The following WDR19 variants were observed in gnomAD, a reference collection of about 807,000 sequenced individuals.
WDR19 encodes WD repeat-containing protein 19.
In WDR19, 121 loss-of-function variants were observed where a neutral mutation model predicts 180.0. That is an observed-to-expected ratio of 0.67 (90% confidence interval 0.58 to 0.78). The LOEUF is 0.78. Ranked by LOEUF, WDR19 falls within the 30% of genes least tolerant of loss-of-function variation. WDR19 has a pLI of 0.00. For missense variants in WDR19, 1,450 were observed against 1,640.7 expected, an observed-to-expected ratio of 0.88 and a Z score of 2.01; for synonymous variants, 497 against 540.7, an observed-to-expected ratio of 0.92 and a Z score of 1.12.
chr4:39,271,099 G>C (rs144710505), intron 31 of WDR19, among the ~76,000 whole-genome samples: 1 of 151,970 alleles, frequency 6.6e-6, no homozygotes, highest in Admixed American at 6.6e-5. Flanking sequence ...GTTTCACCAC[G>C]TTGGCCAGGC....
intron 1 of WDR19, among the ~76,000 whole-genome samples, chr4:39,182,858 G>T (rs1725088448): frequency 6.6e-6 from 1 of 152,114 alleles, no homozygotes; most frequent in African/African-American, 2.4e-5. Context: ...TGAGCGGACT[G>T]GATCTAAAGA....
At chr4:39,249,438 G>C (rs1353107838) in intron 24 of WDR19, among the ~76,000 whole-genome samples, 1 of 151,988 alleles carries the variant, frequency 6.6e-6, no homozygotes, top group Non-Finnish European at 1.5e-5. Context: ...AAAAGAACTA[G>C]AGAAGCAAGA....
chr4:39,255,232 TG>T (rs1264720337), intron 26 of WDR19, among the ~76,000 whole-genome samples: 1 of 152,156 alleles, frequency 6.6e-6, no homozygotes, highest in Non-Finnish European at 1.5e-5. Flanking sequence ...TGTATATTGG[TG>T]GGGGGTGTGT....
At position 39,224,944 on chromosome 4, in the gene WDR19, C is replaced by A. The variant is rs1418175737; in HGVS notation, c.1540C>A (p.Pro514Thr). The A allele has an allele frequency of 3.2e-6, 5 of 1,581,770 alleles. No individual in the cohort carries two copies. The highest frequency in any genetic ancestry group is 4.3e-6 in the Non-Finnish European group (5 of 1,162,768). Residue 514 changes from proline to threonine, a missense_variant, in exon 15 of 37, where the codon CCT becomes ACT. By Grantham distance (38) the Pro-to-Thr change is conservative (BLOSUM62 -1). Coordinates refer to ENST00000399820, the MANE Select transcript of WDR19 (RefSeq NM_025132.4). ...DWQFVNDYRH[P>T]VSVKKIFPDP... is the part of the protein sequence containing the mutation. ...GCAATTCGTTAATGATTATCGACAT[C>A]CTGTCAGTGTGAAAAAGATTTTTCC...
chr4:39,278,397 G>C, intron 35 of WDR19, 142 bp from the exon 36 acceptor site: 1 of 806,728 alleles, frequency 1.2e-6, no homozygotes, highest in Non-Finnish European at 2.0e-6. Flanking sequence ...GCATGAGACT[G>C]AATAGTTCTG....
At chr4:39,270,658 A>G (rs1018344322) in intron 31 of WDR19, among the ~76,000 whole-genome samples, 14 of 151,860 alleles carry the variant, frequency 9.2e-5, no homozygotes, top group South Asian at 6.2e-4. Context: ...GATTACAGGC[A>G]TGAGCCACCA....
chr4:39,274,768 A>G, intron 32 of WDR19, 40 bp from the exon 33 acceptor site: 2 of 1,600,640 alleles, frequency 1.2e-6, no homozygotes, highest in South Asian at 1.1e-5. Flanking sequence ...TGAGGACAGC[A>G]GACACTGTGC....
chr4:39,233,313 C>G (rs1731067891), intron 19 of WDR19, among the ~76,000 whole-genome samples: 1 of 152,132 alleles, frequency 6.6e-6, no homozygotes, highest in Non-Finnish European at 1.5e-5. Flanking sequence ...TATAGACTAG[C>G]AATGAGGGGC....
rs1553919999 is a variant in WDR19, at chr4:39,281,236, T to TAGAGAGAGAGAGAGAGAGAGAG, written c.*13+2579_*13+2600dup. Among the ~76,000 whole-genome samples, 268 of 103,886 alleles carry TAGAGAGAGAGAGAGAGAGAGAG rather than the reference T, an allele frequency of 2.6e-3. 2 individuals carry two copies. The highest frequency in any genetic ancestry group is 3.6e-3 in the Non-Finnish European group (201 of 55,910). 68.2% of individuals were successfully genotyped at this position (103,886 alleles called of 152,430 possible). On this transcript the variant is annotated intron_variant, in intron 36 of 36. Transcript: ENST00000399820. ...GTGTGTATATATATATATATATATA[T>TAGAGAGAGAGAGAGAGAGAGAG]AGAGAGAGAGAGAGAGAGAGAGAGA...
intron 9 of WDR19, among the ~76,000 whole-genome samples, chr4:39,211,251 G>A (rs1472853079): frequency 6.6e-6 from 1 of 152,012 alleles, no homozygotes; most frequent in Non-Finnish European, 1.5e-5. Context: ...GGTGAAAGAC[G>A]GAATGCTCGT....
At chr4:39,284,672 G>GA (rs1736985630) in intron 36 of WDR19, among the ~76,000 whole-genome samples, 1 of 136,014 alleles carries the variant, frequency 7.4e-6, no homozygotes, top group African/African-American at 2.7e-5. Flanking sequence ...AAAAAATTCA[G>GA]ATTTTGTCCC....
intron 9 of WDR19, among the ~76,000 whole-genome samples, chr4:39,213,376 A>G (rs977254835): frequency 1.3e-5 from 2 of 152,214 alleles, no homozygotes; most frequent in African/African-American, 2.4e-5. Flanking sequence ...ATGCCATAGA[A>G]CACTACTCAA....
intron 28 of WDR19, among the ~76,000 whole-genome samples, chr4:39,264,852 G>A (rs760820442): frequency 3.3e-5 from 5 of 151,458 alleles, no homozygotes; most frequent in Non-Finnish European, 5.9e-5. Context: ...CCTGCAATGT[G>A]GTACATTATT....
At chr4:39,208,457 C>T (rs1357621488) in intron 9 of WDR19, among the ~76,000 whole-genome samples, 2 of 151,986 alleles carry the variant, frequency 1.3e-5, no homozygotes, top group African/African-American at 4.8e-5. Flanking sequence ...CAGGTGTGCA[C>T]CACCATGCCT....
rs372719724 is a variant in WDR19 at position 39,273,017 on chromosome 4, G to A, written c.3521G>A (p.Arg1174His). ...AATGGAGATCACATGAAAGGGGCTC[G>A]CATGCTCATTCGGGTGGCCAACAAC... ...VKNGDHMKGA[R>H]MLIRVANNIS... Residue 1174 changes from arginine to histidine, a missense_variant, in exon 32 of 37, where the codon CGC (arginine) becomes CAC (histidine). By Grantham distance (29) the Arg-to-His change is conservative. Coordinates refer to ENST00000399820, the MANE Select transcript of WDR19 (RefSeq NM_025132.4). 116 of 1,605,004 alleles carry A rather than the reference G, an allele frequency of 7.2e-5. No individual in the cohort carries two copies. The highest frequency in any genetic ancestry group is 1.6e-4 in the South Asian group (14 of 88,604).
rs546601893 is a variant in WDR19 at position 39,237,037 on chromosome 4, A to T, written c.2363+2162A>T. ...TTTGCAAATATAATTTTGTACATGT[A>T]TGTGTAATGACAACCAATTTCTTTT... On this transcript the variant is annotated intron_variant, in intron 20 of 36. Transcript: ENST00000399820. Among the ~76,000 whole-genome samples the T allele has an allele frequency of 1.3e-3, 200 of 152,358 alleles. 1 individual carries two copies. The highest frequency in any genetic ancestry group is 4.4e-3 in the African/African-American group (185 of 41,582).
chr4:39,248,769 A>G (rs1732808959), intron 24 of WDR19, among the ~76,000 whole-genome samples: 1 of 152,242 alleles, frequency 6.6e-6, no homozygotes, highest in African/African-American at 2.4e-5. Flanking sequence ...GCCATTACAT[A>G]ATGGTAAAGG....
At chr4:39,257,310 A>T (rs1733858125) in intron 27 of WDR19, among the ~76,000 whole-genome samples, 176 bp from the exon 28 acceptor site, 1 of 152,200 alleles carries the variant, frequency 6.6e-6, no homozygotes. Context: ...TCCATTTTTT[A>T]AACTATATCC....
chr4:39,274,991 C>T (rs751162064), intron 33 of WDR19, 33 bp downstream of exon 33: 16 of 1,578,154 alleles, frequency 1.0e-5, no homozygotes, highest in African/African-American at 3.5e-5. Flanking sequence ...GCTATCTAAT[C>T]GTATTTCTCA....
Sources: gnomAD v4.1 joint callset for allele counts (sites outside exome capture counted in the v4.1 genomes callset) on GRCh38, gnomAD v4.1.1 for gene constraint, MANE v1.5 for transcripts, NCBI Gene and HGNC (gene_info 2026-07-23, HGNC 2026-07-21) for gene names.